Variants in CTSB observed in about 807,000 individuals in gnomAD.
CTSB encodes APP secretase.
CTSB carries 57 observed loss-of-function variants against 44.3 expected under a neutral mutation model. The observed-to-expected ratio is 1.29, with a 90% CI of 1.04 to 1.60. The LOEUF is 1.60. Among genes scored for constraint, CTSB ranks in the 40% most tolerant of loss-of-function variants. The pLI, the probability that CTSB is intolerant of heterozygous loss-of-function variation, is 0.00. For synonymous variants in CTSB, 320 were observed against 168.0 expected (o/e 1.91, Z -7.00); for missense variants, 768 against 443.0 (o/e 1.73, Z -6.59).
At position 11,850,981 on chromosome 8, in the gene CTSB, C is replaced by T; in HGVS notation, c.213-1G>A. ...CTTCAGGTCCTCGGTAAACATAACT[C>T]TGGATAAAGGAAGGTCTTCATTACA... On this transcript the variant is annotated splice_acceptor_variant, in intron 3 of 9. Transcript: ENST00000353047. LOFTEE classifies it high-confidence loss of function. The T allele has an allele frequency of 4.4e-6, 7 of 1,609,050 alleles. No homozygotes were observed. Among genetic ancestry groups the T allele is most frequent in the Non-Finnish European group, 6.0e-6 (7 of 1,176,424 alleles).
intron 7 of CTSB, among the ~76,000 whole-genome samples, chr8:11,847,444 G>A (rs544801030): frequency 5.4e-4 from 83 of 152,324 alleles, no homozygotes; most frequent in African/African-American, 2.0e-3. Context: ...CCTTGTAAAA[G>A]GAGGGCTTTG....
At chr8:11,850,604 A>G in intron 4 of CTSB, 1 of 332,120 alleles carries the variant, frequency 3.0e-6, no homozygotes, top group Non-Finnish European at 5.7e-6. Context: ...CGGACGGGCC[A>G]GCATGTCAGG....
intron 1 of CTSB, among the ~76,000 whole-genome samples, chr8:11,860,392 G>C (rs1392514721): frequency 1.3e-5 from 2 of 152,118 alleles, no homozygotes; most frequent in African/African-American, 4.8e-5. Flanking sequence ...GGAGGCCAAG[G>C]AGGTGGATCA....
intron 3 of CTSB, 65 bp from the exon 4 acceptor site, chr8:11,851,045 G>C: frequency 1.7e-6 from 2 of 1,188,570 alleles, no homozygotes; most frequent in South Asian, 1.3e-5. Context: ...TCCCTGCAAA[G>C]GCCACTTTGG....
At chr8:11,861,896 G>A (rs773602157) in intron 1 of CTSB, among the ~76,000 whole-genome samples, 12 of 152,182 alleles carry the variant, frequency 7.9e-5, no homozygotes, top group African/African-American at 2.4e-4. Context: ...AGGCTGACGC[G>A]AAGGCCAGCC....
At position 11,849,078 on chromosome 8, in the gene CTSB, C is replaced by T. The variant is rs775496878; in HGVS notation, c.414G>A (p.Leu138=). Residue 138 remains leucine (L), a synonymous_variant, in exon 5 of 10, where the codon CTG becomes CTA. Transcript: ENST00000353047. ...HVSVEVSAED[L]LTCCGSMCGD... ...CACACATGCTGCCACAGCATGTGAG[C>T]AGGTCCTCCGCCGACACCTCCACGC... is the stretch of plus-strand genomic sequence containing the variant. The T allele has an allele frequency of 6.2e-7, 1 of 1,613,332 alleles. No homozygotes were observed. The highest frequency in any genetic ancestry group is 1.1e-5 in the South Asian group (1 of 91,022).
At chr8:11,856,943 C>T (rs1815618421) in intron 1 of CTSB, among the ~76,000 whole-genome samples, 1 of 152,156 alleles carries the variant, frequency 6.6e-6, no homozygotes, top group Admixed American at 6.5e-5. Flanking sequence ...GGCCCTGAGC[C>T]ACCAAACTGA....
intron 3 of CTSB, among the ~76,000 whole-genome samples, chr8:11,851,484 C>A (rs1364303702): frequency 2.0e-5 from 3 of 151,398 alleles, no homozygotes; most frequent in African/African-American, 7.3e-5. Context: ...TCCACCACAC[C>A]TGGCCTGACT....
At chr8:11,847,549 C>T (rs1813630670) in intron 7 of CTSB, 130 bp downstream of exon 7, 2 of 1,013,668 alleles carry the variant, frequency 2.0e-6, no homozygotes, top group South Asian at 1.8e-5. Context: ...GGGCATCACT[C>T]CCCCTCCTCT....
At chr8:11,846,211 G>C (rs2130988646) in intron 8 of CTSB, 1 of 153,190 alleles carries the variant, frequency 6.5e-6, no homozygotes, top group African/African-American at 2.4e-5. Context: ...TGAGGGAGGA[G>C]AAGGGAGGAC....
chr8:11,863,481 C>G (rs1469242831), intron 1 of CTSB, among the ~76,000 whole-genome samples: 1 of 151,882 alleles, frequency 6.6e-6, no homozygotes, highest in African/African-American at 2.4e-5. Flanking sequence ...AAAAACCCAG[C>G]AAATATGCCA....
chr8:11,844,867 C>T lies in CTSB; in HGVS notation c.*258G>A. The stretch of plus-strand genomic sequence containing the variant: ...AGGGGGCCACAGTCAGCTGGGGCAG[C>T]AGGTACTCCCTACGGCACTAGTCTA... On this transcript the variant is annotated 3_prime_UTR_variant, in exon 10 of 10. Coordinates refer to ENST00000353047, the MANE Select transcript of CTSB (RefSeq NM_001908.5). 1 of 455,384 alleles carries T rather than the reference C, an allele frequency of 2.2e-6. No homozygotes were observed. The highest frequency in any genetic ancestry group is 4.0e-6 in the Non-Finnish European group (1 of 252,802). The allele number at this position is 455,384 out of a possible 1,614,324, so 28.2% of individuals were successfully genotyped here. A position where few individuals can be genotyped will look rare whatever the true frequency, so the allele number is the denominator to read the frequency against.
At chr8:11,855,913 G>A (rs1815426551) in intron 1 of CTSB, among the ~76,000 whole-genome samples, 1 of 152,138 alleles carries the variant, frequency 6.6e-6, no homozygotes, top group African/African-American at 2.4e-5. Context: ...AGCTACTTGG[G>A]AGGCTGAGAC....
chr8:11,852,748 G>T (rs1472814505), intron 2 of CTSB, 53 bp from the exon 3 acceptor site: 2 of 1,527,244 alleles, frequency 1.3e-6, no homozygotes, highest in Non-Finnish European at 1.8e-6. Flanking sequence ...GCGGTGGATG[G>T]GCACGCTGCC....
intron 3 of CTSB, among the ~76,000 whole-genome samples, chr8:11,852,008 T>C (rs1814670941): frequency 6.6e-6 from 1 of 152,186 alleles, no homozygotes. Flanking sequence ...TACTCAAGAT[T>C]GAGTCTGCCC....
At position 11,853,438 on chromosome 8, in the gene CTSB, G is replaced by A. The variant is rs199841233; in HGVS notation, c.17C>T (p.Ala6Val). The change falls in exon 2 of 10, where the codon GCC (alanine) becomes GTC (valine). Residue 6 changes from alanine to valine, a missense_variant. By Grantham distance (64) the Ala-to-Val change is moderately conservative. Transcript: ENST00000353047. ...CAACACCAGCAGGCAGCAGAGGGAG[G>A]CCCAGAGCTGCCACATGTTGGAAGC... is the stretch of plus-strand genomic sequence containing the variant. The part of the protein sequence containing the change: MWQLW[A>V]SLCCLLVLAN... The A allele has an allele frequency of 6.8e-6, 11 of 1,611,832 alleles. No individual in the cohort carries two copies. The highest frequency in any genetic ancestry group is 1.7e-5 in the Admixed American group (1 of 59,728).
chr8:11,847,932 G>A (rs990541472), intron 6 of CTSB, 110 bp from the exon 7 acceptor site: 4 of 1,408,706 alleles, frequency 2.8e-6, no homozygotes, highest in East Asian at 4.6e-5. Context: ...TCCTGCCAGA[G>A]GCCTGTGCAC....
intron 1 of CTSB, among the ~76,000 whole-genome samples, chr8:11,865,924 C>G (rs1451226657): frequency 2.1e-5 from 3 of 143,490 alleles, no homozygotes; most frequent in Non-Finnish European, 4.5e-5. Flanking sequence ...GAGGCTGAGA[C>G]AGGAGAATTG....
intron 1 of CTSB, among the ~76,000 whole-genome samples, chr8:11,858,417 C>G (rs946814677): frequency 6.6e-6 from 1 of 152,190 alleles, no homozygotes; most frequent in Non-Finnish European, 1.5e-5. Flanking sequence ...CCCTCAGCCT[C>G]CTAAGGAGCT....
Sources: gnomAD v4.1 joint callset for allele counts (sites outside exome capture counted in the v4.1 genomes callset) on GRCh38, gnomAD v4.1.1 for gene constraint, MANE v1.5 for transcripts, NCBI Gene and HGNC (gene_info 2026-07-23, HGNC 2026-07-21) for gene names.